The following SHQ1 variants were observed in gnomAD, a reference collection of about 807,000 sequenced individuals.
SHQ1 encodes SHQ1, H/ACA ribonucleoprotein assembly factor.
Under a neutral mutation model 53.8 loss-of-function variants are expected in SHQ1, and 49 were observed. That is an observed-to-expected ratio of 0.91 (90% CI 0.72 to 1.16). SHQ1 has a LOEUF of 1.16. SHQ1 is among the 50% of genes most tolerant of loss of function. The pLI is 0.00. For synonymous variants in SHQ1, 243 were observed against 251.0 expected (o/e 0.97, Z 0.30); for missense variants, 738 against 683.1 (o/e 1.08, Z -0.90).
chr3:72,846,325 C>A, intron 1 of SHQ1: 1 of 1,518,468 alleles, frequency 6.6e-7, no homozygotes, highest in Non-Finnish European at 8.8e-7. Flanking sequence ...TAGACAGTCT[C>A]GCTCTGTTAC....
intron 10 of SHQ1, chr3:72,773,581 C>T (rs1232119927): frequency 5.2e-6 from 1 of 191,954 alleles, no homozygotes; most frequent in Admixed American, 5.9e-5. Context: ...AGGAAAGAAA[C>T]AAGATGGGGA....
the SHQ1 span, among the ~76,000 whole-genome samples, chr3:72,737,957 G>A: frequency 6.6e-6 from 1 of 152,168 alleles, no homozygotes; most frequent in Non-Finnish European, 1.5e-5. Flanking sequence ...ACACAATGCT[G>A]ATCTGGGCCC....
In SHQ1 at chr3:72,749,654, T is replaced by C. The variant is rs1457759266; in HGVS notation, c.*630A>G. ...ATTGTACACTTTTGATACGTGCAGT[T>C]TATTGGGTGTCAAGTACACCTCCTA... On this transcript the variant is annotated 3_prime_UTR_variant, in exon 11 of 11. Coordinates refer to ENST00000325599, the MANE Select transcript of SHQ1 (RefSeq NM_018130.3). The C allele has an allele frequency of 9.2e-6, 2 of 216,226 alleles. No homozygotes were observed. Among genetic ancestry groups the C allele is most frequent in the Non-Finnish European group, 1.9e-5 (2 of 107,522 alleles). 13.4% of individuals were successfully genotyped at this position (216,226 alleles called of 1,614,324 possible). A position where few individuals can be genotyped will look rare whatever the true frequency, so the allele number is the denominator to read the frequency against.
At chr3:72,733,204 G>C in the SHQ1 span, among the ~76,000 whole-genome samples, 2 of 151,580 alleles carry the variant, frequency 1.3e-5, no homozygotes, top group African/African-American at 4.9e-5. Context: ...ATGCAGCCCA[G>C]CTCCCAGGGC....
intron 10 of SHQ1, among the ~76,000 whole-genome samples, chr3:72,757,227 T>A (rs150996116): frequency 6.6e-6 from 1 of 152,086 alleles, no homozygotes; most frequent in Non-Finnish European, 1.5e-5. Context: ...GAGCCCACAA[T>A]TGATCACAGA....
chr3:72,779,606 C>A (rs1409692294), intron 10 of SHQ1, among the ~76,000 whole-genome samples: 2 of 152,212 alleles, frequency 1.3e-5, no homozygotes, highest in African/African-American at 4.8e-5. Flanking sequence ...GAGAACCCTG[C>A]ACACAGTAGG....
chr3:72,755,146 C>T (rs925051418), intron 10 of SHQ1, among the ~76,000 whole-genome samples: 15 of 152,120 alleles, frequency 9.9e-5, no homozygotes, highest in African/African-American at 3.6e-4. Flanking sequence ...GGAACTCCTG[C>T]CTGTAACCAG....
chr3:72,845,162 G>A (rs1454774406), intron 1 of SHQ1, among the ~76,000 whole-genome samples: 1 of 152,086 alleles, frequency 6.6e-6, no homozygotes, highest in Non-Finnish European at 1.5e-5. Context: ...TATTATGTAG[G>A]GATTTACCCC....
chr3:72,845,906 T>G (rs982484004), intron 1 of SHQ1, among the ~76,000 whole-genome samples: 2 of 152,228 alleles, frequency 1.3e-5, no homozygotes, highest in African/African-American at 4.8e-5. Flanking sequence ...TTATAATGGT[T>G]ACAAACGCTA....
chr3:72,729,642 C>T, the SHQ1 span, among the ~76,000 whole-genome samples: 37 of 152,318 alleles, frequency 2.4e-4, no homozygotes, highest in South Asian at 7.2e-3. Flanking sequence ...CTTATTACAT[C>T]TAAACACAAT....
chr3:72,816,435 T>C (rs749442902), intron 7 of SHQ1, among the ~76,000 whole-genome samples: 10 of 152,206 alleles, frequency 6.6e-5, no homozygotes, highest in South Asian at 2.1e-4. Context: ...AGGAAAGCTA[T>C]GCTCAGATCA....
At chr3:72,801,817 T>C (rs1452221639) in intron 9 of SHQ1, among the ~76,000 whole-genome samples, 1 of 152,206 alleles carries the variant, frequency 6.6e-6, no homozygotes, top group Non-Finnish European at 1.5e-5. Flanking sequence ...TGCATGAAAA[T>C]TTTGACTATG....
At chr3:72,744,241 A>G in the SHQ1 span, among the ~76,000 whole-genome samples, 17 of 152,220 alleles carry the variant, frequency 1.1e-4, no homozygotes, top group Non-Finnish European at 2.4e-4. Context: ...CAATAAGAGC[A>G]GTCAGGAAAT....
intron 10 of SHQ1, among the ~76,000 whole-genome samples, chr3:72,765,996 G>A (rs1389191879): frequency 1.3e-5 from 2 of 152,130 alleles, no homozygotes; most frequent in Admixed American, 1.3e-4. Context: ...AAAATATAGT[G>A]TGCTAGATGA....
intron 10 of SHQ1, among the ~76,000 whole-genome samples, chr3:72,789,000 G>A (rs1251385176): frequency 6.6e-6 from 1 of 150,756 alleles, no homozygotes; most frequent in African/African-American, 2.4e-5. Flanking sequence ...ATGTTTATCT[G>A]CTGACCTTCC....
chr3:72,752,690 C>A (rs907957546), intron 10 of SHQ1, among the ~76,000 whole-genome samples: 1 of 152,062 alleles, frequency 6.6e-6, no homozygotes, highest in Admixed American at 6.6e-5. Context: ...CCATGCCCAG[C>A]TAATTTTTTT....
At chr3:72,805,257 G>A (rs1225970834) in intron 9 of SHQ1, among the ~76,000 whole-genome samples, 3 of 152,214 alleles carry the variant, frequency 2.0e-5, no homozygotes, top group Non-Finnish European at 4.4e-5. Flanking sequence ...ATCACTGACT[G>A]AAAGTCGTTA....
In SHQ1 at chr3:72,848,347, A is replaced by C. The variant is rs747956943; in HGVS notation, c.-7T>G. 1.9e-6 allele frequency: 3 copies of C among 1,613,342 alleles called. No homozygotes were observed. The highest frequency in any genetic ancestry group is 1.7e-5 in the Admixed American group (1 of 59,962). Reference sequence around the variant, plus strand: ...CGAACGCCGGGGTCAGCATCGCCGCACCGGACGCAAGGGCCGGCGCCGCTC... The same window carrying C: ...CGAACGCCGGGGTCAGCATCGCCGCCCCGGACGCAAGGGCCGGCGCCGCTC... On this transcript the variant is annotated 5_prime_UTR_variant, in exon 1 of 11. Transcript: ENST00000325599.
chr3:72,847,984 T>C (rs1358634202), intron 1 of SHQ1, among the ~76,000 whole-genome samples: 2 of 152,032 alleles, frequency 1.3e-5, no homozygotes, highest in Non-Finnish European at 2.9e-5. Context: ...TCCTTTGATA[T>C]GGGATTTAAG....
Sources: allele counts gnomAD v4.1 joint callset (sites outside exome capture counted in the v4.1 genomes callset), GRCh38; gene constraint gnomAD v4.1.1; transcripts MANE v1.5; gene names NCBI Gene and HGNC (gene_info 2026-07-23, HGNC 2026-07-21).